SEPTIN3: variants seen among roughly 807,000 people sequenced by gnomAD.
The protein encoded by SEPTIN3 is septin 3.
SEPTIN3 carries 15 observed loss-of-function variants against 45.1 expected under a neutral mutation model. That is an observed-to-expected ratio of 0.33 (90% CI 0.22 to 0.51). SEPTIN3 has a LOEUF of 0.51. SEPTIN3 is among the 20% of genes least tolerant of loss of function. SEPTIN3 has a pLI of 0.97. For missense variants in SEPTIN3, 289 were observed against 457.2 expected (o/e 0.63, Z 3.35); for synonymous variants, 148 against 164.8 (o/e 0.90, Z 0.78).
rs372956891 is a variant in SEPTIN3 at position 41,992,644 on chromosome 22, T to G, written c.2260-20T>G. 35 of 1,544,212 alleles carry G rather than the reference T, an allele frequency of 2.3e-5. No individual in the cohort carries two copies. The highest frequency in any genetic ancestry group is 2.8e-5 in the Non-Finnish European group (32 of 1,133,868). On this transcript the variant is annotated intron_variant, in intron 8 of 11. Coordinates refer to ENST00000644076, the MANE Select transcript of SEPTIN3 (RefSeq NM_001363845.2). ...GATGACGGTGCACATGTGTCTGGTT[T>G]GTGTTTCTGCCCCGTGCAGCAGGAG... is the stretch of plus-strand genomic sequence containing the variant.
At position 41,976,981 on chromosome 22, in the gene SEPTIN3, G is replaced by T. The variant is rs932069471; in HGVS notation, c.1504+3985G>T. ...GAGGCCCGTTTGCAGGGGCCGCTCG[G>T]CCCGGGGAAGCCCGCGCCCCGCTCA... is the stretch of plus-strand genomic sequence containing the variant. On this transcript the variant is annotated intron_variant, in intron 2 of 11. Coordinates refer to ENST00000644076, the MANE Select transcript of SEPTIN3 (RefSeq NM_001363845.2). The surrounding 1 kb of genome is among the most constrained non-coding windows in gnomAD (Gnocchi z 5.8). 3.6e-5 allele frequency: 53 copies of T among 1,470,786 alleles called. No homozygotes were observed. Among genetic ancestry groups the T allele is most frequent in the Non-Finnish European group, 4.0e-5 (44 of 1,091,716 alleles). The allele number at this position is 1,470,786 out of a possible 1,614,324, so 91.1% of individuals were successfully genotyped here.
At chr22:41,985,727 C>T (rs984884125) in intron 3 of SEPTIN3, 1 of 329,754 alleles carries the variant, frequency 3.0e-6, no homozygotes, top group Non-Finnish European at 5.7e-6. Context: ...GAGGTTGTCC[C>T]TTTTCCCAGT....
chr22:41,977,727 T>C (rs551393632), intron 2 of SEPTIN3, among the ~76,000 whole-genome samples: 33 of 151,758 alleles, frequency 2.2e-4, no homozygotes, highest in South Asian at 1.3e-3. Context: ...ACTAAGCAGG[T>C]GCTATTTTGG....
chr22:41,973,179 G>T (rs1245780901), intron 2 of SEPTIN3, among the ~76,000 whole-genome samples, 183 bp downstream of exon 2: 3 of 152,120 alleles, frequency 2.0e-5, no homozygotes, highest in African/African-American at 7.2e-5. Context: ...TGTACCCTGA[G>T]CTGGGTTCTA....
At position 41,973,779 on chromosome 22, in the gene SEPTIN3, A is replaced by G. The variant is rs147751668; in HGVS notation, c.1504+783A>G. ...GTGGATCACTTGCGGTCAGGAGTTC[A>G]AGACTAGCCTGGCCAACATGGTGAT... On this transcript the variant is annotated intron_variant, in intron 2 of 11. Coordinates refer to ENST00000644076, the MANE Select transcript of SEPTIN3 (RefSeq NM_001363845.2). 2.0e-3 allele frequency among the ~76,000 whole-genome samples: 310 copies of G among 152,122 alleles called. 1 individual carries two copies. Among genetic ancestry groups the G allele is most frequent in the African/African-American group, 6.9e-3 (286 of 41,526 alleles).
At position 41,994,490 on chromosome 22, in the gene SEPTIN3, C is replaced by A; in HGVS notation, c.2412-131C>A. On this transcript the variant is annotated intron_variant, in intron 10 of 11. Transcript: ENST00000644076. The surrounding 1 kb of genome is among the most constrained non-coding windows in gnomAD (Gnocchi z 4.2). ...AGCTCCTGTTGCAAAATGGAAGGTG[C>A]TGTAGAAGAATCCTTAGCTCCTGGG... 6.5e-7 allele frequency: 1 copy of A among 1,528,116 alleles called. No individual in the cohort carries two copies. The highest frequency in any genetic ancestry group is 1.2e-5 in the South Asian group (1 of 84,244). 94.7% of individuals were successfully genotyped at this position (1,528,116 alleles called of 1,614,324 possible).
chr22:41,993,021 C>T (rs2078344676), intron 9 of SEPTIN3, among the ~76,000 whole-genome samples: 1 of 152,100 alleles, frequency 6.6e-6, no homozygotes, highest in Admixed American at 6.6e-5. Flanking sequence ...ATTAGTAAGG[C>T]CTGGAAAAAC....
chr22:41,977,364 C>T (rs1261080635), intron 2 of SEPTIN3, among the ~76,000 whole-genome samples: 1 of 152,142 alleles, frequency 6.6e-6, no homozygotes, highest in Non-Finnish European at 1.5e-5. Flanking sequence ...CACACACACA[C>T]ACCACGCACA....
chr22:41,971,973 G>A lies in SEPTIN3; in HGVS notation c.481G>A (p.Gly161Ser). The change falls in exon 2 of 12, where the codon GGC becomes AGC. Residue 161 changes from glycine to serine, a missense_variant. Gly to Ser is a moderately conservative substitution (Grantham distance 56). Around this residue, in one of 3 missense-constraint regions of SEPTIN3, gnomAD observed 200 missense variants for 315.1 expected, o/e 0.63. Transcript: ENST00000644076. ...GCCACCTGTGACCCTAGTGCCAGGG[G>A]GCAGGGTCCACTCTGAGGGCCCAGG... ...GSPPVTLVPG[G>S]RVHSEGPGNP... The A allele has an allele frequency of 2.5e-6, 1 of 399,146 alleles. No homozygotes were observed. Among genetic ancestry groups the A allele is most frequent in the Non-Finnish European group, 4.4e-6 (1 of 226,120 alleles). The allele number at this position is 399,146 out of a possible 1,614,324, so 24.7% of individuals were successfully genotyped here.
chr22:41,980,346 CAGG>C (rs1235987543), intron 2 of SEPTIN3, among the ~76,000 whole-genome samples: 1 of 152,068 alleles, frequency 6.6e-6, no homozygotes, highest in East Asian at 1.9e-4. Flanking sequence ...CTATGTTGAT[CAGG>C]CTGGTCTCGA....
intron 6 of SEPTIN3, among the ~76,000 whole-genome samples, chr22:41,989,158 GTGT>G (rs2078259155): frequency 6.7e-6 from 1 of 148,256 alleles, no homozygotes; most frequent in South Asian, 2.1e-4. Flanking sequence ...GACACACACA[GTGT>G]TGTTTTTTTT....
Position 41,984,752 on chromosome 22 carries a change from C to G in SEPTIN3, c.1697-1232C>G, listed in dbSNP as rs565198275. Among the ~76,000 whole-genome samples the G allele has an allele frequency of 2.6e-5, 4 of 152,000 alleles. No homozygotes were observed. The South Asian group carries it at 8.3e-4, about 32-fold the overall frequency. Reference sequence around the variant, plus strand: ...CCATGTTGGCCAGGCTGGTCTCGAACTCCTGGCCTCAAGTGATCTGCCCGC... The same window carrying G: ...CCATGTTGGCCAGGCTGGTCTCGAAGTCCTGGCCTCAAGTGATCTGCCCGC... On this transcript the variant is annotated intron_variant, in intron 3 of 11. Transcript: ENST00000644076.
chr22:41,990,961 G>A (rs550638641), intron 7 of SEPTIN3, among the ~76,000 whole-genome samples: 1 of 152,194 alleles, frequency 6.6e-6, no homozygotes, highest in South Asian at 2.1e-4. Flanking sequence ...CTACTAGGGA[G>A]GCTGAGGCAG....
intron 3 of SEPTIN3, among the ~76,000 whole-genome samples, chr22:41,982,508 C>CAAAACAA (rs912785982): frequency 4.0e-5 from 6 of 151,260 alleles, no homozygotes; most frequent in East Asian, 1.9e-4. Flanking sequence ...AACTCCGCCT[C>CAAAACAA]AAAACAAAAA....
At chr22:41,975,810 C>T (rs73417027) in intron 2 of SEPTIN3, among the ~76,000 whole-genome samples, 165 of 152,070 alleles carry the variant, frequency 1.1e-3, no homozygotes, top group African/African-American at 3.6e-3. Context: ...TGTGAGGCCA[C>T]CTCCCACCCA....
At chr22:41,987,105 T>G (rs2078221952) in intron 4 of SEPTIN3, 101 bp from the exon 5 acceptor site, 1 of 816,832 alleles carries the variant, frequency 1.2e-6, no homozygotes, top group African/African-American at 1.7e-5. Context: ...CAATAACTGA[T>G]CCTGAAGACA....
At chr22:41,996,634 G>A in intron 11 of SEPTIN3, 1 of 1,260,804 alleles carries the variant, frequency 7.9e-7, no homozygotes, top group South Asian at 2.3e-5. Context: ...GCACCTGTCA[G>A]GACAGAACAG....
chr22:41,987,777 C>T lies in SEPTIN3; in HGVS notation c.2045+18C>T. 6.2e-7 allele frequency: 1 copy of T among 1,601,744 alleles called. No individual in the cohort carries two copies. Among genetic ancestry groups the T allele is most frequent in the Non-Finnish European group, 8.5e-7 (1 of 1,169,920 alleles). ...GGACACTCGTATGTACCAACCCTAC[C>T]CCTATTGTCAGGCCTGGTCTGGTTT... is the stretch of plus-strand genomic sequence containing the variant. On this transcript the variant is annotated intron_variant, in intron 6 of 11. Coordinates refer to ENST00000644076, the MANE Select transcript of SEPTIN3 (RefSeq NM_001363845.2).
Position 41,976,088 on chromosome 22 carries a change from T to C in SEPTIN3, c.1504+3092T>C, listed in dbSNP as rs1478475337. ...GACCCTCACCTCTGCTGTCCTCTCT[T>C]TGCAGAATACCTCTCCCTTTCCATT... On this transcript the variant is annotated intron_variant, in intron 2 of 11. Coordinates refer to ENST00000644076, the MANE Select transcript of SEPTIN3 (RefSeq NM_001363845.2). This position sits in a 1 kb window ranked among gnomAD's most constrained non-coding sequence, Gnocchi z 5.8. Among the ~76,000 whole-genome samples the C allele has an allele frequency of 1.3e-5, 2 of 152,118 alleles. No individual in the cohort carries two copies. Among genetic ancestry groups the C allele is most frequent in the African/African-American group, 2.4e-5 (1 of 41,404 alleles).
Sources: allele counts gnomAD v4.1 joint callset (sites outside exome capture counted in the v4.1 genomes callset), GRCh38; gene constraint gnomAD v4.1.1; regional missense constraint gnomAD v4.1.1; non-coding constraint Gnocchi (gnomAD v3.1); transcripts MANE v1.5; gene names NCBI Gene and HGNC (gene_info 2026-07-23, HGNC 2026-07-21).